Variants in PTBP3 observed in about 807,000 individuals in gnomAD.
The protein encoded by PTBP3 is polypyrimidine tract-binding protein 3.
A neutral mutation model predicts 58.7 loss-of-function variants in PTBP3; 20 were observed. The ratio of observed to expected loss-of-function variants is 0.34; its 90% CI spans 0.24 to 0.50. The LOEUF is 0.50. Among genes scored for constraint, PTBP3 ranks in the 20% least tolerant of loss-of-function variants. PTBP3 has a pLI of 0.98. For missense variants in PTBP3, 509 were observed against 637.2 expected, an observed-to-expected ratio of 0.80 and a Z score of 2.17; for synonymous variants, 185 against 219.8, an observed-to-expected ratio of 0.84 and a Z score of 1.40.
At position 112,270,023 on chromosome 9, in the gene PTBP3, T is replaced by C. The variant is rs192794002; in HGVS notation, c.205-1828A>G. Among the ~76,000 whole-genome samples, 30 of 151,578 alleles carry C rather than the reference T, an allele frequency of 2.0e-4. No homozygotes were observed. In the East Asian group the frequency reaches 2.1e-3, roughly 11 times the overall value. On this transcript the variant is annotated intron_variant, in intron 3 of 13. Coordinates refer to ENST00000374257, the MANE Select transcript of PTBP3 (RefSeq NM_001163788.4). ...GCAGTGGCGTCATCTCGGCTCACTA[T>C]ACCCTCCGTCTCCTGGGTTCAAATG...
chr9:112,268,388 T>C (rs774207788), intron 3 of PTBP3, among the ~76,000 whole-genome samples, 193 bp from the exon 4 acceptor site: 2 of 152,062 alleles, frequency 1.3e-5, no homozygotes, highest in East Asian at 1.9e-4. Flanking sequence ...ATCTAAAAAG[T>C]TGGGTTCACT....
At chr9:112,228,587 T>A in intron 10 of PTBP3, 115 bp from the exon 11 acceptor site, 1 of 617,744 alleles carries the variant, frequency 1.6e-6, no homozygotes, top group Non-Finnish European at 2.7e-6. Context: ...ATTCCATACA[T>A]ACACCTGCAA....
At chr9:112,273,029 T>C (rs994070912) in intron 3 of PTBP3, among the ~76,000 whole-genome samples, 4 of 152,236 alleles carry the variant, frequency 2.6e-5, no homozygotes, top group Admixed American at 6.5e-5. Flanking sequence ...AAAGCCATAT[T>C]AACTGGACAG....
intron 1 of PTBP3, among the ~76,000 whole-genome samples, chr9:112,325,203 G>A (rs1029443803): frequency 6.6e-6 from 1 of 151,936 alleles, no homozygotes; most frequent in Admixed American, 6.6e-5. Flanking sequence ...CCTTCGACCT[G>A]CCCAGGTCAT....
chr9:112,346,857 G>A, the PTBP3 span, among the ~76,000 whole-genome samples: 2 of 152,070 alleles, frequency 1.3e-5, no homozygotes, highest in South Asian at 4.2e-4. Context: ...CTGAGTAGCT[G>A]GGACTACAGG....
intron 7 of PTBP3, among the ~76,000 whole-genome samples, chr9:112,249,649 T>C (rs1369776559): frequency 6.6e-6 from 1 of 152,122 alleles, no homozygotes; most frequent in Non-Finnish European, 1.5e-5. Context: ...TGAGAAAGGA[T>C]ATGAACATTC....
chr9:112,228,557 T>C (rs1395016263), intron 10 of PTBP3, 85 bp from the exon 11 acceptor site: 34 of 622,970 alleles, frequency 5.5e-5, no homozygotes, highest in Non-Finnish European at 7.5e-5. Flanking sequence ...AAAGAAGGCA[T>C]TTCTTACTCT....
chr9:112,225,932 T>G (rs369177411), intron 12 of PTBP3, among the ~76,000 whole-genome samples: 6 of 152,198 alleles, frequency 3.9e-5, no homozygotes, highest in African/African-American at 1.2e-4. Context: ...TAGTCCCAGC[T>G]ACTTGGAAAG....
At chr9:112,361,286 T>A in the PTBP3 span, among the ~76,000 whole-genome samples, 126 of 151,958 alleles carry the variant, frequency 8.3e-4, 1 homozygote, top group East Asian at 0.021. Flanking sequence ...TTTAGTAGAT[T>A]CGGGGTTTCA....
chr9:112,312,492 TTTTTTTTTAA>T (rs1829526781), intron 1 of PTBP3, among the ~76,000 whole-genome samples: 7 of 146,926 alleles, frequency 4.8e-5, no homozygotes, highest in East Asian at 3.9e-4. Context: ...TTTTTTGTTT[TTTTTTTTTAA>T]AAAAAAAAAA....
At chr9:112,238,661 T>C (rs1357179057) in intron 7 of PTBP3, among the ~76,000 whole-genome samples, 1 of 151,126 alleles carries the variant, frequency 6.6e-6, no homozygotes. Flanking sequence ...AAAAGGAAAA[T>C]CCCTAAAGAA....
At chr9:112,348,537 T>C in the PTBP3 span, among the ~76,000 whole-genome samples, 1 of 152,226 alleles carries the variant, frequency 6.6e-6, no homozygotes, top group Admixed American at 6.5e-5. Flanking sequence ...TCCCAAGTGT[T>C]AGCAAGCCAC....
At chr9:112,308,848 T>C (rs772864696) in intron 1 of PTBP3, among the ~76,000 whole-genome samples, 6 of 152,202 alleles carry the variant, frequency 3.9e-5, no homozygotes, top group Non-Finnish European at 8.8e-5. Flanking sequence ...GCTCTCTGGC[T>C]AAGTCAGCAC....
chr9:112,361,763 T>A, the PTBP3 span, among the ~76,000 whole-genome samples: 1 of 152,128 alleles, frequency 6.6e-6, no homozygotes, highest in Non-Finnish European at 1.5e-5. Flanking sequence ...AATTGCTCTT[T>A]TGACTGTGGA....
chr9:112,238,384 A>G (rs1430047494), intron 7 of PTBP3, among the ~76,000 whole-genome samples: 1 of 152,086 alleles, frequency 6.6e-6, no homozygotes, highest in East Asian at 1.9e-4. Flanking sequence ...GTTAGGTCCT[A>G]AGAATTATTC....
At chr9:112,332,918 A>G in intron 1 of PTBP3, 6 of 1,563,726 alleles carry the variant, frequency 3.8e-6, no homozygotes, top group Non-Finnish European at 5.2e-6. Flanking sequence ...GACCTCGGCC[A>G]AGTCCCGCGG....
intron 1 of PTBP3, among the ~76,000 whole-genome samples, chr9:112,320,310 ATATATTTT>A (rs1188707773): frequency 6.0e-5 from 3 of 50,192 alleles, no homozygotes; most frequent in African/African-American, 2.7e-4. Context: ...ATATATATAT[ATATATTTT>A]TTTTTAAGTG....
At chr9:112,322,996 C>G (rs1350954516) in intron 1 of PTBP3, among the ~76,000 whole-genome samples, 1 of 152,134 alleles carries the variant, frequency 6.6e-6, no homozygotes. Context: ...GCCTGTAATC[C>G]CAAGACTTGG....
intron 1 of PTBP3, among the ~76,000 whole-genome samples, chr9:112,328,442 T>C (rs1405160090): frequency 6.6e-6 from 1 of 152,256 alleles, no homozygotes; most frequent in Non-Finnish European, 1.5e-5. Flanking sequence ...CTGACCTTTG[T>C]TTACAAAGTG....
Sources: allele counts gnomAD v4.1 joint callset (sites outside exome capture counted in the v4.1 genomes callset), GRCh38; gene constraint gnomAD v4.1.1; transcripts MANE v1.5; gene names NCBI Gene and HGNC (gene_info 2026-07-23, HGNC 2026-07-21).